The following IQGAP3 variants were observed in gnomAD, a reference collection of about 807,000 sequenced individuals.
IQGAP3 encodes ras GTPase-activating-like protein IQGAP3.
IQGAP3 carries 165 observed loss-of-function variants against 208.2 expected under a neutral mutation model. That is an observed-to-expected ratio of 0.79 (90% CI 0.70 to 0.90). IQGAP3 has a LOEUF of 0.90. Ranked by LOEUF, IQGAP3 falls within the 40% of genes least tolerant of loss-of-function variation. IQGAP3 has a pLI of 0.00. For missense variants in IQGAP3, 1,811 were observed against 2,043.1 expected (o/e 0.89, Z 2.19); for synonymous variants, 703 against 803.6 (o/e 0.87, Z 2.12).
chr1:156,555,157 C>T, intron 12 of IQGAP3, among the ~76,000 whole-genome samples: 1 of 152,192 alleles, frequency 6.6e-6, no homozygotes, highest in East Asian at 1.9e-4. Flanking sequence ...GAAGCTCCGG[C>T]CCCATTTCCC....
chr1:156,533,095 C>T lies in IQGAP3; in HGVS notation c.3988G>A (p.Ala1330Thr), dbSNP rs200172264. ...TIPDLIGESI[A>T]ADGHTDLSKL... ...CTCAGGTCCGTGTGCCCATCTGCAG[C>T]GATGCTCTCACCTGAGGTGTGGTGA... The change falls in exon 32 of 38, where the codon GCT becomes ACT. Residue 1330 changes from alanine (A) to threonine (T), a missense_variant. Coordinates refer to ENST00000361170, the MANE Select transcript of IQGAP3 (RefSeq NM_178229.5). The T allele has an allele frequency of 7.7e-5, 125 of 1,613,892 alleles. No homozygotes were observed. In the East Asian group the frequency reaches 1.0e-3, roughly 13 times the overall value.
intron 22 of IQGAP3, among the ~76,000 whole-genome samples, chr1:156,542,075 G>A (rs2102386449): frequency 6.6e-6 from 1 of 152,148 alleles, no homozygotes; most frequent in Non-Finnish European, 1.5e-5. Context: ...GTGATTAGGA[G>A]GTTGGACTTT....
intron 26 of IQGAP3, among the ~76,000 whole-genome samples, chr1:156,538,100 G>A (rs1364212283): frequency 1.3e-5 from 2 of 151,552 alleles, no homozygotes; most frequent in African/African-American, 2.4e-5. Context: ...TCGCTCTGTC[G>A]CCCAGCCTGG....
chr1:156,546,957 C>T (rs867641014), intron 19 of IQGAP3, among the ~76,000 whole-genome samples: 9 of 152,226 alleles, frequency 5.9e-5, no homozygotes, highest in South Asian at 4.1e-4. Flanking sequence ...ATTACTCACC[C>T]GTGGGCCTTG....
rs551167659 is a variant in IQGAP3, at chr1:156,542,677, T to C, written c.2530+1304A>G. 7.2e-5 allele frequency among the ~76,000 whole-genome samples: 11 copies of C among 152,304 alleles called. No homozygotes were observed. In the South Asian group the frequency reaches 1.2e-3, roughly 17 times the overall value. On this transcript the variant is annotated intron_variant, in intron 22 of 37. Transcript: ENST00000361170. ...TTAATTGGCTGGGTGTGGTGGTTCA[T>C]GACTGTAATCCCAGAACTTTGGGCA...
chr1:156,533,205 T>A, intron 31 of IQGAP3, 99 bp from the exon 32 acceptor site: 1 of 1,458,034 alleles, frequency 6.9e-7, no homozygotes, highest in Non-Finnish European at 9.4e-7. Flanking sequence ...TCACATTAAA[T>A]CAGCTGCTCC....
Position 156,563,194 on chromosome 1 carries a change from G to A in IQGAP3, c.738C>T (p.Ala246=), listed in dbSNP as rs763848105. 20 of 1,612,836 alleles carry A rather than the reference G, an allele frequency of 1.2e-5. No individual in the cohort carries two copies. Among genetic ancestry groups the A allele is most frequent in the South Asian group, 3.3e-5 (3 of 90,998 alleles). Residue 246 remains alanine, a synonymous_variant, in exon 8 of 38, where the codon GCC becomes GCT. Coordinates refer to ENST00000361170, the MANE Select transcript of IQGAP3 (RefSeq NM_178229.5). ...CCTGGGCCAGCATCTCTTGGTAGACGGCTGCCAGAGGCTCTCGGAGATTCT... is the reference window on the plus strand; with the variant it reads ...CCTGGGCCAGCATCTCTTGGTAGACAGCTGCCAGAGGCTCTCGGAGATTCT... The part of the protein sequence containing the change: ...LLENLREPLA[A]VYQEMLAQAK...
At chr1:156,534,989 C>A (rs566935927) in intron 28 of IQGAP3, among the ~76,000 whole-genome samples, 174 bp downstream of exon 28, 69 of 152,352 alleles carry the variant, frequency 4.5e-4, no homozygotes, top group African/African-American at 1.5e-3. Context: ...CATGAGCCAT[C>A]TGCCACCTGA....
intron 28 of IQGAP3, 91 bp from the exon 29 acceptor site, chr1:156,534,824 A>C: frequency 1.1e-6 from 1 of 927,092 alleles, no homozygotes; most frequent in Non-Finnish European, 1.6e-6. Flanking sequence ...TGGAAGGGAC[A>C]CCTGGGCCAA....
rs1234203200 is a variant in IQGAP3, at chr1:156,550,357, A to T, written c.1735-6T>A. ...GCTCCAGGATCCCCTGTCACCTGGC[A>T]GATTGAGGGAGAAAAAAAAGATGTG... On this transcript the variant is annotated splice_region_variant and splice_polypyrimidine_tract_variant and intron_variant, in intron 15 of 37. Coordinates refer to ENST00000361170, the MANE Select transcript of IQGAP3 (RefSeq NM_178229.5). 1.2e-6 allele frequency: 2 copies of T among 1,610,432 alleles called. No homozygotes were observed. Among genetic ancestry groups the T allele is most frequent in the Admixed American group, 3.3e-5 (2 of 59,940 alleles).
intron 11 of IQGAP3, 93 bp downstream of exon 11, chr1:156,560,841 A>G: frequency 1.2e-6 from 1 of 849,500 alleles, no homozygotes; most frequent in Non-Finnish European, 2.0e-6. Context: ...AGCAGTGTGT[A>G]CTGCCCAATA....
At chr1:156,569,604 C>G (rs543015604) in intron 1 of IQGAP3, 141 bp from the exon 2 acceptor site, 1 of 414,008 alleles carries the variant, frequency 2.4e-6, no homozygotes, top group East Asian at 3.8e-5. Flanking sequence ...CTGCAAGCTC[C>G]GCCTCCCGGG....
intron 16 of IQGAP3, 41 bp from the exon 17 acceptor site, chr1:156,548,789 G>T (rs560302044): frequency 2.1e-5 from 31 of 1,510,942 alleles, no homozygotes; most frequent in Non-Finnish European, 2.7e-5. Context: ...TCCTTCCCCC[G>T]AGTCCCTCCC....
At chr1:156,555,424 C>T (rs1475839023) in intron 12 of IQGAP3, among the ~76,000 whole-genome samples, 2 of 152,116 alleles carry the variant, frequency 1.3e-5, no homozygotes, top group Non-Finnish European at 1.5e-5. Flanking sequence ...TGGGGTTTCG[C>T]CATGTTGGCC....
At chr1:156,545,885 T>C (rs963145787) in intron 19 of IQGAP3, among the ~76,000 whole-genome samples, 6 of 152,280 alleles carry the variant, frequency 3.9e-5, no homozygotes, top group South Asian at 4.1e-4. Context: ...CTCAGTTTGG[T>C]AAGACTTGGG....
intron 15 of IQGAP3, 88 bp from the exon 16 acceptor site, chr1:156,550,439 C>T: frequency 2.2e-6 from 2 of 925,814 alleles, no homozygotes; most frequent in Admixed American, 2.0e-5. Flanking sequence ...AACCAAACTG[C>T]AGGCAGGCAT....
chr1:156,526,577 T>C lies in IQGAP3; in HGVS notation c.4805A>G (p.Glu1602Gly), dbSNP rs1180862405. The C allele has an allele frequency of 3.1e-6, 5 of 1,613,724 alleles. No homozygotes were observed. The highest frequency in any genetic ancestry group is 4.2e-6 in the Non-Finnish European group (5 of 1,179,716). ...HYQDLLQLQY[E>G]GVAVMKLFNK... is the part of the protein sequence containing the mutation. ...GAAGAGTTTCATGACAGCCACACCC[T>C]CATACTGGAGCTGCAGGAGATCCTA... The change falls in exon 38 of 38, where the codon GAG becomes GGG. Residue 1602 changes from glutamate to glycine, a missense_variant. Physicochemically the swap from Glu to Gly is moderately conservative, Grantham distance 98 (BLOSUM62 -2). Coordinates refer to ENST00000361170, the MANE Select transcript of IQGAP3 (RefSeq NM_178229.5).
Position 156,569,459 on chromosome 1 carries a change from T to C in IQGAP3, c.42A>G (p.Glu14=), listed in dbSNP as rs754959852. The C allele has an allele frequency of 6.2e-7, 1 of 1,607,426 alleles. No homozygotes were observed. The highest frequency in any genetic ancestry group is 1.1e-5 in the South Asian group (1 of 90,302). Residue 14 remains glutamate (E), a synonymous_variant, in exon 2 of 38, where the codon GAA becomes GAG. Coordinates refer to ENST00000361170, the MANE Select transcript of IQGAP3 (RefSeq NM_178229.5). The part of the protein sequence containing the change: ...RAAGPGWAAY[E]RLTAEEMDEQ... The stretch of plus-strand genomic sequence containing the variant: ...CATCCATCTCCTCAGCTGTGAGGCG[T>C]TCATCTGAGGAGTTAAACGGGATAA...
In IQGAP3 at chr1:156,531,338, C is replaced by T. The variant is rs773563440; in HGVS notation, c.4104-91G>A. 3.1e-4 allele frequency: 291 copies of T among 932,880 alleles called. 2 individuals carry two copies. The highest frequency in any genetic ancestry group is 5.9e-4 in the Admixed American group (34 of 57,874). The allele number at this position is 932,880 out of a possible 1,614,324, so 57.8% of individuals were successfully genotyped here. ...GCCAGAGGTCTGAGAGTAAGTGGAC[C>T]GTGCTCTATAGCATGGCTGCTAGGA... On this transcript the variant is annotated intron_variant, in intron 32 of 37. Coordinates refer to ENST00000361170, the MANE Select transcript of IQGAP3 (RefSeq NM_178229.5).
Sources: allele counts gnomAD v4.1 joint callset (sites outside exome capture counted in the v4.1 genomes callset), GRCh38; gene constraint gnomAD v4.1.1; transcripts MANE v1.5; gene names NCBI Gene and HGNC (gene_info 2026-07-23, HGNC 2026-07-21).